Variants in GRB10 observed in about 807,000 individuals in gnomAD.
GRB10 encodes the protein growth factor receptor-bound protein 10.
Under a neutral mutation model 80.9 loss-of-function variants are expected in GRB10, and 20 were observed. The ratio of observed to expected loss-of-function variants is 0.25; its 90% CI spans 0.17 to 0.36. The LOEUF (loss-of-function observed/expected upper bound fraction) is 0.36. Ranked by LOEUF, GRB10 falls within the 10% of genes least tolerant of loss-of-function variation. The pLI is 1.00. For missense variants in GRB10, 548 were observed against 747.7 expected (o/e 0.73, Z 3.12); for synonymous variants, 291 against 291.5 (o/e 1.00, Z 0.02).
At chr7:50,740,073 A>C (rs1289080565) in intron 3 of GRB10, among the ~76,000 whole-genome samples, 1 of 152,190 alleles carries the variant, frequency 6.6e-6, no homozygotes, top group Non-Finnish European at 1.5e-5. Context: ...TTTAGCCACA[A>C]ATCCAAAATG....
At chr7:50,597,370 G>A (rs577480767) in intron 17 of GRB10, among the ~76,000 whole-genome samples, 1 of 152,382 alleles carries the variant, frequency 6.6e-6, no homozygotes, top group African/African-American at 2.4e-5. Flanking sequence ...CACCGCCAGA[G>A]AGAAGACAAG....
intron 6 of GRB10, among the ~76,000 whole-genome samples, chr7:50,672,654 G>A (rs1402059826): frequency 1.3e-5 from 2 of 152,154 alleles, no homozygotes; most frequent in Non-Finnish European, 2.9e-5. Context: ...GCACATATGG[G>A]CGAGTTCAGC....
upstream of GRB10, among the ~76,000 whole-genome samples, chr7:50,783,181 C>T (rs574288699): frequency 1.1e-4 from 17 of 152,352 alleles, no homozygotes; most frequent in East Asian, 3.3e-3. Flanking sequence ...CTCGAGCAAC[C>T]TTCCACCTGC....
At chr7:50,687,034 G>A (rs1488119140) in intron 5 of GRB10, among the ~76,000 whole-genome samples, 1 of 152,210 alleles carries the variant, frequency 6.6e-6, no homozygotes, top group African/African-American at 2.4e-5. Context: ...CAGGTGCTCA[G>A]TACACGTTAG....
chr7:50,719,856 GT>G (rs74497044), intron 4 of GRB10, among the ~76,000 whole-genome samples: 126 of 147,582 alleles, frequency 8.5e-4, no homozygotes, highest in African/African-American at 2.3e-3. Context: ...CCTTTTATAG[GT>G]TTTTTTTTTT....
chr7:50,689,815 G>T (rs1448118878), intron 5 of GRB10, among the ~76,000 whole-genome samples: 2 of 151,774 alleles, frequency 1.3e-5, no homozygotes, highest in African/African-American at 4.8e-5. Flanking sequence ...AATGACAGAG[G>T]GTTTTTTTTT....
intron 3 of GRB10, among the ~76,000 whole-genome samples, chr7:50,754,867 C>T (rs2153702844): frequency 6.6e-6 from 1 of 152,278 alleles, no homozygotes; most frequent in Non-Finnish European, 1.5e-5. Flanking sequence ...TTACAGAGGT[C>T]ACTAAGTTAA....
intron 5 of GRB10, among the ~76,000 whole-genome samples, chr7:50,677,933 T>A (rs2061135504): frequency 6.6e-6 from 1 of 152,244 alleles, no homozygotes; most frequent in South Asian, 2.1e-4. Flanking sequence ...AGGCTTTTAA[T>A]CCTGCTTTGG....
intron 3 of GRB10, among the ~76,000 whole-genome samples, chr7:50,754,253 A>C (rs1353468396): frequency 1.3e-5 from 2 of 152,208 alleles, no homozygotes; most frequent in Non-Finnish European, 2.9e-5. Context: ...TCAGGCATGG[A>C]AGGGTCTGCA....
intron 3 of GRB10, among the ~76,000 whole-genome samples, chr7:50,749,280 C>T (rs920182965): frequency 2.6e-5 from 4 of 151,904 alleles, no homozygotes; most frequent in African/African-American, 9.7e-5. Flanking sequence ...AGGCACTCAC[C>T]ACCATGCCCA....
In GRB10 at chr7:50,604,147, C is replaced by G. The variant is rs541947747; in HGVS notation, c.1457-62G>C. On this transcript the variant is annotated intron_variant, in intron 16 of 18. Coordinates refer to ENST00000401949, the MANE Select transcript of GRB10 (RefSeq NM_001350814.2). ...TGCCTCTGCAGAATGGCTTCCCTGA[C>G]AGCACAACCAACTCTGATCAACTCA... The G allele has an allele frequency of 3.5e-6, 5 of 1,417,110 alleles. No homozygotes were observed. In the African/African-American group the frequency reaches 4.2e-5, roughly 12 times the overall value. The allele number at this position is 1,417,110 out of a possible 1,614,324, so 87.8% of individuals were successfully genotyped here. A position where few individuals can be genotyped will look rare whatever the true frequency, so the allele number is the denominator to read the frequency against.
At chr7:50,625,072 G>A (rs2052633193) in intron 8 of GRB10, among the ~76,000 whole-genome samples, 1 of 152,016 alleles carries the variant, frequency 6.6e-6, no homozygotes, top group Non-Finnish European at 1.5e-5. Flanking sequence ...AGAGTAAATG[G>A]TTCTTCATTT....
At chr7:50,657,847 G>A (rs1245480624) in intron 7 of GRB10, among the ~76,000 whole-genome samples, 4 of 152,026 alleles carry the variant, frequency 2.6e-5, no homozygotes, top group African/African-American at 4.8e-5. Flanking sequence ...TGAATTTTTT[G>A]GATTTTCAAA....
intron 8 of GRB10, among the ~76,000 whole-genome samples, chr7:50,623,298 A>G (rs1242382448): frequency 6.6e-6 from 1 of 152,238 alleles, no homozygotes; most frequent in African/African-American, 2.4e-5. Context: ...TAAAGGGACA[A>G]GTGAACTGGG....
intron 8 of GRB10, among the ~76,000 whole-genome samples, chr7:50,623,452 A>C (rs1481955764): frequency 1.3e-5 from 2 of 152,206 alleles, no homozygotes; most frequent in Non-Finnish European, 2.9e-5. Context: ...TGCTCATAGG[A>C]GTCGTTCTCT....
intron 7 of GRB10, among the ~76,000 whole-genome samples, chr7:50,665,040 C>A (rs748135395): frequency 1.1e-4 from 17 of 152,138 alleles, no homozygotes; most frequent in Non-Finnish European, 2.2e-4. Flanking sequence ...AAATTAAATG[C>A]CATTTAATAA....
At chr7:50,627,461 C>T (rs1213655496) in intron 7 of GRB10, among the ~76,000 whole-genome samples, 1 of 152,242 alleles carries the variant, frequency 6.6e-6, no homozygotes, top group African/African-American at 2.4e-5. Context: ...GCGGCACCTA[C>T]AGCCTTTCCC....
intron 3 of GRB10, among the ~76,000 whole-genome samples, chr7:50,752,222 GA>G (rs1333634713): frequency 3.3e-5 from 5 of 151,976 alleles, no homozygotes; most frequent in Admixed American, 2.0e-4. Context: ...TATTAGGGGG[GA>G]AAAAATGAGG....
chr7:50,678,461 T>A (rs915768141), intron 5 of GRB10, among the ~76,000 whole-genome samples: 2 of 152,220 alleles, frequency 1.3e-5, no homozygotes, highest in Admixed American at 6.5e-5. Flanking sequence ...TAAAACTTTT[T>A]AGAAATTTTA....
Sources: allele counts gnomAD v4.1 joint callset (sites outside exome capture counted in the v4.1 genomes callset), GRCh38; gene constraint gnomAD v4.1.1; transcripts MANE v1.5; gene names NCBI Gene and HGNC (gene_info 2026-07-23, HGNC 2026-07-21).